Variants in FAM13A observed in about 807,000 individuals in gnomAD.
FAM13A encodes the protein protein FAM13A.
Under a neutral mutation model 129.6 loss-of-function variants are expected in FAM13A, and 76 were observed. That is an observed-to-expected ratio of 0.59 (90% CI 0.49 to 0.71). The LOEUF is 0.71. Ranked by LOEUF, FAM13A falls within the 30% of genes least tolerant of loss-of-function variation. The pLI is 0.00. For missense variants in FAM13A, 1,108 were observed against 1,249.3 expected, an observed-to-expected ratio of 0.89 and a Z score of 1.70; for synonymous variants, 443 against 449.9, an observed-to-expected ratio of 0.98 and a Z score of 0.20.
chr4:88,889,923 C>T (rs1316282336), intron 6 of FAM13A, among the ~76,000 whole-genome samples: 1 of 152,090 alleles, frequency 6.6e-6, no homozygotes, highest in Non-Finnish European at 1.5e-5. Context: ...GCATTAAAAA[C>T]CTTGGCTAGG....
chr4:88,902,787 C>A (rs534344046), intron 6 of FAM13A, among the ~76,000 whole-genome samples: 1 of 151,980 alleles, frequency 6.6e-6, no homozygotes, highest in South Asian at 2.1e-4. Context: ...AGAAATAAAC[C>A]GTATTCAAAT....
intron 7 of FAM13A, among the ~76,000 whole-genome samples, chr4:88,849,614 A>G (rs1737212754): frequency 6.6e-6 from 1 of 152,176 alleles, no homozygotes; most frequent in African/African-American, 2.4e-5. Flanking sequence ...TCTTTCATTT[A>G]TTAGAGCTGA....
chr4:88,772,698 T>C (rs1720918887), intron 11 of FAM13A, among the ~76,000 whole-genome samples: 1 of 152,198 alleles, frequency 6.6e-6, no homozygotes, highest in African/African-American at 2.4e-5. Context: ...AGCCTAAACA[T>C]GGTCAGAACA....
At chr4:88,985,220 T>C (rs1441529899) in intron 4 of FAM13A, among the ~76,000 whole-genome samples, 5 of 152,210 alleles carry the variant, frequency 3.3e-5, no homozygotes, top group Non-Finnish European at 7.3e-5. Context: ...TACATTTATA[T>C]GAAATGTCCA....
intron 7 of FAM13A, among the ~76,000 whole-genome samples, chr4:88,810,262 T>C (rs1729417061): frequency 6.6e-6 from 1 of 152,130 alleles, no homozygotes; most frequent in East Asian, 1.9e-4. Context: ...TTTTGTCTGT[T>C]TAGTGGAAAT....
intron 4 of FAM13A, among the ~76,000 whole-genome samples, chr4:88,969,177 T>A (rs114516603): frequency 0.014 from 2,159 of 152,170 alleles, 60 homozygotes; most frequent in African/African-American, 0.048. Context: ...GCAAACACCA[T>A]CTGTTTCCCC....
chr4:88,899,958 A>G (rs1419507742), intron 6 of FAM13A, among the ~76,000 whole-genome samples: 1 of 152,174 alleles, frequency 6.6e-6, no homozygotes, highest in Non-Finnish European at 1.5e-5. Flanking sequence ...ATGGAAGTGA[A>G]TAACACAATA....
chr4:88,746,128 T>C (rs1048971442), intron 19 of FAM13A, among the ~76,000 whole-genome samples: 18 of 152,184 alleles, frequency 1.2e-4, no homozygotes, highest in Admixed American at 1.2e-3. Flanking sequence ...AAGAGATCTA[T>C]ACTTTTTGGC....
intron 13 of FAM13A, among the ~76,000 whole-genome samples, chr4:88,766,998 A>G (rs1233447537): frequency 1.3e-5 from 2 of 152,236 alleles, no homozygotes; most frequent in Non-Finnish European, 2.9e-5. Flanking sequence ...TACTTGGGTC[A>G]GCATGGTGAT....
At chr4:89,030,055 T>G (rs1011458996) in intron 1 of FAM13A, among the ~76,000 whole-genome samples, 1 of 151,964 alleles carries the variant, frequency 6.6e-6, no homozygotes, top group Non-Finnish European at 1.5e-5. Context: ...CTCGGTGTCA[T>G]TTTAAGGTAG....
intron 3 of FAM13A, among the ~76,000 whole-genome samples, chr4:89,014,010 T>C (rs28869547): frequency 0.1 from 15,701 of 152,064 alleles, 880 homozygotes; most frequent in African/African-American, 0.14. Flanking sequence ...TGTGGTGCAA[T>C]AGTGTCCTGC....
intron 6 of FAM13A, among the ~76,000 whole-genome samples, chr4:88,890,292 T>C (rs1243314897): frequency 6.6e-6 from 1 of 152,134 alleles, no homozygotes; most frequent in Non-Finnish European, 1.5e-5. Context: ...CAAGAGGAGA[T>C]GATTCAGGTC....
intron 13 of FAM13A, chr4:88,759,452 T>G (rs900725129): frequency 3.3e-5 from 5 of 152,772 alleles, no homozygotes; most frequent in Non-Finnish European, 5.8e-5. Flanking sequence ...GTTTTCTCAC[T>G]GAGTATTGGG....
At chr4:88,872,325 C>T (rs1741562306) in intron 6 of FAM13A, among the ~76,000 whole-genome samples, 2 of 152,110 alleles carry the variant, frequency 1.3e-5, no homozygotes, top group African/African-American at 2.4e-5. Flanking sequence ...AAGCTAAATG[C>T]CCCAATTAAA....
Position 88,728,350 on chromosome 4 carries a change from GTCT to G in FAM13A, c.*180_*182del. The G allele has an allele frequency of 1.5e-6, 1 of 684,432 alleles. No homozygotes were observed. Among genetic ancestry groups the G allele is most frequent in the Non-Finnish European group, 2.4e-6 (1 of 412,236 alleles). The allele number at this position is 684,432 out of a possible 1,614,324, so 42.4% of individuals were successfully genotyped here. ...CAAAATGCCTAAGTCAGGTCACATT[GTCT>G]TCTTCCAGCCAGTTTCTAAGGCAGG... On this transcript the variant is annotated 3_prime_UTR_variant, in exon 24 of 24. Coordinates refer to ENST00000264344, the MANE Select transcript of FAM13A (RefSeq NM_014883.4).
At chr4:88,813,843 C>T (rs1293247517) in intron 7 of FAM13A, among the ~76,000 whole-genome samples, 3 of 152,162 alleles carry the variant, frequency 2.0e-5, no homozygotes, top group African/African-American at 7.2e-5. Context: ...TGATGTCAAC[C>T]TACACCTAGA....
intron 3 of FAM13A, among the ~76,000 whole-genome samples, chr4:88,997,689 G>A (rs1243713743): frequency 2.6e-5 from 4 of 152,102 alleles, no homozygotes; most frequent in African/African-American, 9.7e-5. Context: ...CAATGACCAT[G>A]AAGTTATACT....
chr4:88,837,073 C>T (rs1734942265), intron 7 of FAM13A, among the ~76,000 whole-genome samples: 1 of 151,934 alleles, frequency 6.6e-6, no homozygotes, highest in African/African-American at 2.4e-5. Flanking sequence ...CCACTCACCA[C>T]AACCTCTGCC....
rs576712958 is a variant in FAM13A at position 88,942,489 on chromosome 4, C to T, written c.606-4248G>A. Reference sequence around the variant, plus strand: ...GGCTGAGGGACGAGGATCACTTGAACCCAGGAGGCAGAGGTTGCAGTGAGC... The same window carrying T: ...GGCTGAGGGACGAGGATCACTTGAATCCAGGAGGCAGAGGTTGCAGTGAGC... On this transcript the variant is annotated intron_variant, in intron 4 of 23. Coordinates refer to ENST00000264344, the MANE Select transcript of FAM13A (RefSeq NM_014883.4). 2.0e-5 allele frequency among the ~76,000 whole-genome samples: 3 copies of T among 152,006 alleles called. No homozygotes were observed. In the East Asian group the frequency reaches 5.8e-4, roughly 29 times the overall value.
Sources: allele counts gnomAD v4.1 joint callset (sites outside exome capture counted in the v4.1 genomes callset), GRCh38; gene constraint gnomAD v4.1.1; transcripts MANE v1.5; gene names NCBI Gene and HGNC (gene_info 2026-07-23, HGNC 2026-07-21).